Variants in PRKCZ observed in about 807,000 individuals in gnomAD.
PRKCZ encodes protein kinase C zeta, also known as protein kinase C zeta type.
PRKCZ carries 33 observed loss-of-function variants against 79.5 expected under a neutral mutation model. The ratio of observed to expected loss-of-function variants is 0.41; its 90% confidence interval spans 0.31 to 0.55. The LOEUF (loss-of-function observed/expected upper bound fraction) is 0.55, where lower values mean the gene tolerates loss of function less well. Ranked by LOEUF, PRKCZ falls within the 20% of genes least tolerant of loss-of-function variation. The pLI, the probability that PRKCZ is intolerant of heterozygous loss-of-function variation, is 0.19. For synonymous variants in PRKCZ, 342 were observed against 320.9 expected, an observed-to-expected ratio of 1.07 and a Z score of -0.70; for missense variants, 578 against 813.5, an observed-to-expected ratio of 0.71 and a Z score of 3.52.
At chr1:2,163,059 G>A (rs547382853) in intron 10 of PRKCZ, among the ~76,000 whole-genome samples, 15 of 152,302 alleles carry the variant, frequency 9.8e-5, no homozygotes, top group South Asian at 4.2e-4. Flanking sequence ...CAACCAGGTC[G>A]TGCCGTCTCT....
chr1:2,142,566 G>A, intron 5 of PRKCZ: 1 of 261,486 alleles, frequency 3.8e-6, no homozygotes, highest in Non-Finnish European at 7.6e-6. Flanking sequence ...GGTCTTGGGT[G>A]GGATGCCCCC....
At chr1:2,112,410 C>T (rs1669922902) in intron 4 of PRKCZ, among the ~76,000 whole-genome samples, 2 of 152,176 alleles carry the variant, frequency 1.3e-5, no homozygotes, top group African/African-American at 4.8e-5. Flanking sequence ...GAACGAGCCT[C>T]AGGCGGAGGG....
chr1:2,048,778 G>A (rs531166608), upstream of PRKCZ, among the ~76,000 whole-genome samples: 69 of 152,318 alleles, frequency 4.5e-4, no homozygotes, highest in African/African-American at 1.6e-3. Context: ...TGCAGACCAG[G>A]AGGGCGAGGG....
intron 4 of PRKCZ, among the ~76,000 whole-genome samples, chr1:2,067,978 G>A (rs991480296): frequency 1.3e-5 from 2 of 152,190 alleles, no homozygotes; most frequent in African/African-American, 4.8e-5. Flanking sequence ...CCTTCTCTTG[G>A]ACTTGAGCAG....
Position 2,148,838 on chromosome 1 carries a change from C to T in PRKCZ, c.635-34C>T, listed in dbSNP as rs374306911. On this transcript the variant is annotated intron_variant, in intron 7 of 17. Transcript: ENST00000378567. The stretch of plus-strand genomic sequence containing the variant: ...GTTCCCAGTGCGTTCCTGACCACAC[C>T]GTAACGCCCCTTCCTTCCTCCCTCT... The T allele has an allele frequency of 3.4e-5, 54 of 1,608,538 alleles. 1 individual carries two copies. The highest frequency in any genetic ancestry group is 8.9e-5 in the East Asian group (4 of 44,852).
intron 9 of PRKCZ, among the ~76,000 whole-genome samples, chr1:2,151,508 C>T (rs1405275780): frequency 6.6e-6 from 1 of 152,228 alleles, no homozygotes; most frequent in Admixed American, 6.5e-5. Flanking sequence ...TGGGGTGGGA[C>T]AGGAAGCTGC....
intron 4 of PRKCZ, among the ~76,000 whole-genome samples, chr1:2,110,915 C>G (rs370424543): frequency 1.3e-5 from 2 of 151,972 alleles, no homozygotes; most frequent in African/African-American, 2.4e-5. Context: ...GAGACCGAGC[C>G]GGAAGGTGAG....
chr1:2,159,526 A>C (rs1256350985), intron 10 of PRKCZ, among the ~76,000 whole-genome samples: 2 of 152,252 alleles, frequency 1.3e-5, no homozygotes, highest in African/African-American at 2.4e-5. Flanking sequence ...ATGAAACTGC[A>C]GAGGTTTCCA....
intron 1 of PRKCZ, among the ~76,000 whole-genome samples, chr1:2,055,167 C>T (rs1368792471): frequency 2.0e-5 from 3 of 151,992 alleles, no homozygotes; most frequent in Non-Finnish European, 4.4e-5. Flanking sequence ...TGGTCTCGAT[C>T]TCCTGACCTC....
chr1:2,083,922 C>T (rs552526452), intron 4 of PRKCZ, among the ~76,000 whole-genome samples: 8 of 152,284 alleles, frequency 5.3e-5, no homozygotes, highest in East Asian at 1.9e-4. Context: ...GTTTCTTACG[C>T]GTGCGTGTGT....
rs1187843481 is a variant in PRKCZ at position 2,135,161 on chromosome 1, G to GGCC, written c.335-97_335-95dup. The GGCC allele has an allele frequency of 3.9e-6, 4 of 1,012,718 alleles. No homozygotes were observed. In the African/African-American group the frequency reaches 4.9e-5, roughly 12 times the overall value. 62.7% of individuals were successfully genotyped at this position (1,012,718 alleles called of 1,614,324 possible). A position where few individuals can be genotyped will look rare whatever the true frequency, so the allele number is the denominator to read the frequency against. ...CCTTCCCTGCCTGGGAGGACGCTGC[G>GGCC]GCCGCCACCACCTGGACGGGAGTGG... On this transcript the variant is annotated intron_variant, in intron 4 of 17. Transcript: ENST00000378567.
intron 4 of PRKCZ, among the ~76,000 whole-genome samples, chr1:2,129,274 G>C (rs1674514260): frequency 1.3e-5 from 2 of 152,208 alleles, no homozygotes; most frequent in African/African-American, 4.8e-5. Flanking sequence ...GTGCTCCTTT[G>C]ATTCAGAAGC....
rs114395366 is a variant in PRKCZ, at chr1:2,178,397, G to A, written c.1575+3084G>A. On this transcript the variant is annotated intron_variant, in intron 16 of 17. Transcript: ENST00000378567. This position sits in a 1 kb window ranked among gnomAD's most constrained non-coding sequence, Gnocchi z 4.3. The stretch of plus-strand genomic sequence containing the variant: ...TCCTGCGCTGAACCCCACCCACTGC[G>A]TCCACTGCGTGGAGACTGCACCTCT... Among the ~76,000 whole-genome samples the A allele has an allele frequency of 1.3e-3, 192 of 152,322 alleles. No individual in the cohort carries two copies. Among genetic ancestry groups the A allele is most frequent in the African/African-American group, 2.7e-3 (112 of 41,564 alleles).
chr1:2,152,640 A>G (rs778191287), intron 9 of PRKCZ, among the ~76,000 whole-genome samples: 4 of 152,170 alleles, frequency 2.6e-5, no homozygotes, highest in Admixed American at 2.0e-4. Context: ...CATTTTCCTC[A>G]CCCCAAAAGG....
chr1:2,140,192 C>T (rs867418208), intron 5 of PRKCZ, among the ~76,000 whole-genome samples: 2 of 152,178 alleles, frequency 1.3e-5, no homozygotes, highest in Non-Finnish European at 1.5e-5. Context: ...TCAAAGAATT[C>T]CTGATGATAA....
At chr1:2,059,429 C>A in intron 3 of PRKCZ, 112 bp from the exon 4 acceptor site, 3 of 1,298,966 alleles carry the variant, frequency 2.3e-6, no homozygotes, top group Non-Finnish European at 3.3e-6. Context: ...GTGCCACGTG[C>A]GCCTTGCGTG....
At chr1:2,101,867 G>C (rs758495837) in intron 4 of PRKCZ, among the ~76,000 whole-genome samples, 1 of 152,222 alleles carries the variant, frequency 6.6e-6, no homozygotes, top group Non-Finnish European at 1.5e-5. Flanking sequence ...GAGATACGTG[G>C]TGGGTATATA....
chr1:2,083,465 A>C lies in PRKCZ; in HGVS notation c.334+23874A>C, dbSNP rs190961725. ...CCTCATTAACTCTAATTAATGTATG[A>C]TTAATTAGATTAATTCTAAAATAAC... On this transcript the variant is annotated intron_variant, in intron 4 of 17. Transcript: ENST00000378567. 1.4e-4 allele frequency among the ~76,000 whole-genome samples: 21 copies of C among 152,362 alleles called. No homozygotes were observed. In the East Asian group the frequency reaches 4.0e-3, roughly 29 times the overall value.
At position 2,055,508 on chromosome 1, in the gene PRKCZ, A is replaced by C. The variant is rs771971829; in HGVS notation, c.139A>C (p.Met47Leu). ...FEELCEEVRD[M>L]CRLHQQHPLT... is the part of the protein sequence containing the mutation. Reference sequence around the variant, plus strand: ...GGAGCTCTGTGAGGAAGTGAGAGACATGTGTCGTCTGCACCAGCAGCACCC... The same window carrying C: ...GGAGCTCTGTGAGGAAGTGAGAGACCTGTGTCGTCTGCACCAGCAGCACCC... Residue 47 changes from methionine to leucine, a missense_variant, in exon 2 of 18, where the codon ATG becomes CTG. This residue lies in a region of PRKCZ where 228 missense variants were observed against 211.6 expected (regional missense o/e 1.08). Coordinates refer to ENST00000378567, the MANE Select transcript of PRKCZ (RefSeq NM_002744.6). 3 of 1,613,360 alleles carry C rather than the reference A, an allele frequency of 1.9e-6. No homozygotes were observed. Among genetic ancestry groups the C allele is most frequent in the Non-Finnish European group, 2.5e-6 (3 of 1,179,560 alleles).
Sources: gnomAD v4.1 joint callset for allele counts (sites outside exome capture counted in the v4.1 genomes callset) on GRCh38, gnomAD v4.1.1 for gene constraint, gnomAD v4.1.1 regional missense constraint, Gnocchi (gnomAD v3.1) non-coding constraint, MANE v1.5 for transcripts, NCBI Gene and HGNC (gene_info 2026-07-23, HGNC 2026-07-21) for gene names.